The following UBXN7 variants were observed in gnomAD, a reference collection of about 807,000 sequenced individuals.
UBXN7 encodes UBX domain protein 7, also known as UBX domain-containing protein 7.
UBXN7 carries 9 observed loss-of-function variants against 58.0 expected under a neutral mutation model. That is an observed-to-expected ratio of 0.16 (90% confidence interval 0.09 to 0.27). UBXN7 has a LOEUF of 0.27. Among genes scored for constraint, UBXN7 ranks in the 10% least tolerant of loss-of-function variants. The pLI is 1.00. For missense variants in UBXN7, 328 were observed against 599.6 expected (o/e 0.55, Z 4.73); for synonymous variants, 208 against 205.0 (o/e 1.01, Z -0.12).
chr3:196,362,690 G>GTA lies in UBXN7; in HGVS notation c.835-4_835-3insTA. ...TCACTTGCATCTATAAGGCTCTCCTGTGAGATGGAGTCATAAAACACAGGA... is the reference window on the plus strand; with the variant it reads ...TCACTTGCATCTATAAGGCTCTCCTGTATGAGATGGAGTCATAAAACACAGGA... On this transcript the variant is annotated splice_region_variant and splice_polypyrimidine_tract_variant and intron_variant, in intron 8 of 10. Transcript: ENST00000296328. 6.3e-7 allele frequency: 1 copy of GTA among 1,591,508 alleles called. No homozygotes were observed. The highest frequency in any genetic ancestry group is 8.6e-7 in the Non-Finnish European group (1 of 1,165,876).
chr3:196,381,216 C>T (rs1052522970), intron 5 of UBXN7, among the ~76,000 whole-genome samples: 3 of 152,228 alleles, frequency 2.0e-5, no homozygotes, highest in Non-Finnish European at 4.4e-5. Flanking sequence ...AACTGGGAGA[C>T]ATCTCCCAGT....
At chr3:196,417,785 C>T (rs957960417) in intron 1 of UBXN7, among the ~76,000 whole-genome samples, 2 of 136,368 alleles carry the variant, frequency 1.5e-5, no homozygotes, top group Non-Finnish European at 3.1e-5. Context: ...ATTAGCCAGG[C>T]GTGGTGGCAC....
chr3:196,430,000 C>A (rs1174299870), intron 1 of UBXN7, among the ~76,000 whole-genome samples: 1 of 152,108 alleles, frequency 6.6e-6, no homozygotes, highest in African/African-American at 2.4e-5. Context: ...AGTAATGTGG[C>A]GTTAAACCAA....
At chr3:196,417,828 G>T (rs1730549745) in intron 1 of UBXN7, among the ~76,000 whole-genome samples, 1 of 151,098 alleles carries the variant, frequency 6.6e-6, no homozygotes, top group African/African-American at 2.4e-5. Context: ...AGGAGGCTGA[G>T]GTGGAAGGAT....
chr3:196,394,760 A>G (rs1240281282), intron 3 of UBXN7, among the ~76,000 whole-genome samples: 2 of 152,164 alleles, frequency 1.3e-5, no homozygotes, highest in East Asian at 1.9e-4. Context: ...TACATTCTAA[A>G]CCATAAGACT....
At chr3:196,377,474 A>C (rs1269485149) in intron 5 of UBXN7, among the ~76,000 whole-genome samples, 1 of 152,154 alleles carries the variant, frequency 6.6e-6, no homozygotes, top group Non-Finnish European at 1.5e-5. Context: ...AATTATAAAC[A>C]TATGTGGAAC....
At chr3:196,391,023 T>C (rs1185884380) in intron 5 of UBXN7, among the ~76,000 whole-genome samples, 1 of 152,210 alleles carries the variant, frequency 6.6e-6, no homozygotes, top group Non-Finnish European at 1.5e-5. Flanking sequence ...AAAGTTTTTG[T>C]TTGGGTTTAG....
At chr3:196,379,874 A>G (rs549050973) in intron 5 of UBXN7, among the ~76,000 whole-genome samples, 1 of 152,228 alleles carries the variant, frequency 6.6e-6, no homozygotes, top group South Asian at 2.1e-4. Flanking sequence ...TGTTACTGGA[A>G]AGGGGTCCGG....
At position 196,352,736 on chromosome 3, in the gene UBXN7, G is replaced by T. The variant is rs1728244886; in HGVS notation, c.*3949C>A. On this transcript the variant is annotated 3_prime_UTR_variant, in exon 11 of 11. Transcript: ENST00000296328. The surrounding 1 kb of genome is among the most constrained non-coding windows in gnomAD (Gnocchi z 4.1). ...AGATCGGGCGCAGTGGCTCATGCCT[G>T]TAATCCCAGCACTTTAGGAGGCCGA... The T allele has an allele frequency of 6.6e-6, 1 of 151,064 alleles. No homozygotes were observed. Among genetic ancestry groups the T allele is most frequent in the South Asian group, 2.2e-4 (1 of 4,640 alleles). The allele number at this position is 151,064 out of a possible 1,614,324, so 9.4% of individuals were successfully genotyped here. A position where few individuals can be genotyped will look rare whatever the true frequency, so the allele number is the denominator to read the frequency against.
intron 1 of UBXN7, among the ~76,000 whole-genome samples, chr3:196,411,302 C>A (rs1447204991): frequency 6.6e-6 from 1 of 152,212 alleles, no homozygotes; most frequent in Non-Finnish European, 1.5e-5. Flanking sequence ...TACTTTAACT[C>A]ATTAGCTACA....
At chr3:196,419,147 T>C (rs1048669130) in intron 1 of UBXN7, among the ~76,000 whole-genome samples, 1 of 151,924 alleles carries the variant, frequency 6.6e-6, no homozygotes, top group East Asian at 1.9e-4. Context: ...GGCGTCCACC[T>C]ACTAGGGACG....
At chr3:196,359,469 T>C (rs1363329565) in intron 10 of UBXN7, among the ~76,000 whole-genome samples, 2 of 152,056 alleles carry the variant, frequency 1.3e-5, no homozygotes, top group African/African-American at 2.4e-5. Context: ...AATCAATTGC[T>C]AAAAATGATG....
intron 1 of UBXN7, chr3:196,414,709 T>C (rs1485778218): frequency 6.6e-6 from 1 of 152,188 alleles, no homozygotes; most frequent in African/African-American, 2.4e-5. Context: ...AATATATACT[T>C]TTCCATTGAG....
intron 1 of UBXN7, among the ~76,000 whole-genome samples, chr3:196,421,650 G>A (rs1030225160): frequency 9.9e-5 from 15 of 151,898 alleles, no homozygotes; most frequent in African/African-American, 3.4e-4. Flanking sequence ...GGTGGCAGGC[G>A]CCTGTAGTCC....
intron 5 of UBXN7, among the ~76,000 whole-genome samples, chr3:196,387,590 A>G (rs1219763283): frequency 6.6e-6 from 1 of 152,198 alleles, no homozygotes; most frequent in Non-Finnish European, 1.5e-5. Context: ...ACAAATTTAC[A>G]AGAAAAAAAC....
intron 5 of UBXN7, among the ~76,000 whole-genome samples, chr3:196,373,030 C>T (rs1728889824): frequency 6.6e-6 from 1 of 152,158 alleles, no homozygotes; most frequent in South Asian, 2.1e-4. Context: ...GGATTATAGG[C>T]GTGAGCCACC....
intron 6 of UBXN7, among the ~76,000 whole-genome samples, chr3:196,371,384 A>C (rs1560221819): frequency 6.6e-6 from 1 of 152,086 alleles, no homozygotes; most frequent in African/African-American, 2.4e-5. Flanking sequence ...ATTACAGTTA[A>C]TTTCATCTAT....
At chr3:196,378,654 T>C (rs1030180558) in intron 5 of UBXN7, among the ~76,000 whole-genome samples, 3 of 152,244 alleles carry the variant, frequency 2.0e-5, no homozygotes, top group Non-Finnish European at 4.4e-5. Context: ...GGCAACTTCC[T>C]GATGTTGCCA....
intron 3 of UBXN7, among the ~76,000 whole-genome samples, chr3:196,397,979 T>C (rs141654423): frequency 2.0e-5 from 3 of 152,318 alleles, no homozygotes; most frequent in African/African-American, 7.2e-5. Context: ...ATTTTCCCTG[T>C]CTCCCAGTAT....
Sources: gnomAD v4.1 joint callset for allele counts (sites outside exome capture counted in the v4.1 genomes callset) on GRCh38, gnomAD v4.1.1 for gene constraint, Gnocchi (gnomAD v3.1) non-coding constraint, MANE v1.5 for transcripts, NCBI Gene and HGNC (gene_info 2026-07-23, HGNC 2026-07-21) for gene names.